The following NBEAL2 variants were observed in gnomAD, a reference collection of about 807,000 sequenced individuals.
NBEAL2 encodes neurobeachin-like protein 2.
Under a neutral mutation model 299.8 loss-of-function variants are expected in NBEAL2, and 160 were observed. The ratio of observed to expected loss-of-function variants is 0.53; its 90% CI spans 0.47 to 0.61. The LOEUF (loss-of-function observed/expected upper bound fraction) is 0.61, where lower values mean the gene tolerates loss of function less well. NBEAL2 is among the 20% of genes least tolerant of loss of function. NBEAL2 has a pLI of 0.00. For synonymous variants in NBEAL2, 1,493 were observed against 1,542.3 expected (o/e 0.97, Z 0.75); for missense variants, 3,112 against 3,649.0 (o/e 0.85, Z 3.79).
chr3:46,998,596 G>A (rs375183332), intron 22 of NBEAL2, 31 bp downstream of exon 22: 2 of 1,594,816 alleles, frequency 1.3e-6, no homozygotes, highest in African/African-American at 2.7e-5. Flanking sequence ...TGGGCCATGG[G>A]GGGCTGACAC....
At position 47,001,074 on chromosome 3, in the gene NBEAL2, G is replaced by A. The variant is rs1267441809; in HGVS notation, c.4379G>A (p.Gly1460Asp). The A allele has an allele frequency of 6.2e-7, 1 of 1,612,646 alleles. No individual in the cohort carries two copies. The highest frequency in any genetic ancestry group is 1.7e-5 in the Admixed American group (1 of 59,886). Residue 1460 changes from glycine to aspartate, a missense_variant, in exon 28 of 54, where the codon GGC becomes GAC. Gly to Asp is a moderately conservative substitution (Grantham distance 94). Coordinates refer to ENST00000450053, the MANE Select transcript of NBEAL2 (RefSeq NM_015175.3). This position sits in a 1 kb window ranked among gnomAD's most constrained non-coding sequence, Gnocchi z 6.1. ...TCGGTGACGTGGCGTGGCGTGGAAG[G>A]CAGCGATGAGGCTGCCTGGCGGGAG... is the stretch of plus-strand genomic sequence containing the variant. Reference protein sequence around the residue: ...LFSVTWRGVEGSDEAAWRERG... With the variant: ...LFSVTWRGVEDSDEAAWRERG...
Position 47,005,755 on chromosome 3 carries a change from C to T in NBEAL2, c.6709C>T (p.Leu2237Phe), listed in dbSNP as rs757292430. Residue 2237 changes from leucine to phenylalanine, a missense_variant, in exon 42 of 54, where the codon CTC (leucine) becomes TTC (phenylalanine). This residue lies in a region of NBEAL2 where 521 missense variants were observed against 729.6 expected (regional missense o/e 0.71). Coordinates refer to ENST00000450053, the MANE Select transcript of NBEAL2 (RefSeq NM_015175.3). ...TGTGCCAGGTTTTGACCTGGGCTGT[C>T]TCCAGCTGACCAACGAGAAGGTAGG... ...ENQNGFDLGC[L>F]QLTNEKVGDV... 1.9e-6 allele frequency: 3 copies of T among 1,613,302 alleles called. No individual in the cohort carries two copies. Among genetic ancestry groups the T allele is most frequent in the Non-Finnish European group, 2.5e-6 (3 of 1,179,870 alleles).
chr3:47,001,958 A>G lies in NBEAL2; in HGVS notation c.4821A>G (p.Leu1607=), dbSNP rs1486568096. The G allele has an allele frequency of 1.9e-6, 3 of 1,609,046 alleles. No individual in the cohort carries two copies. In the East Asian group the frequency reaches 6.7e-5, roughly 36 times the overall value. ...AQAYVRLHML[L]QTAVPARREE... ...CCTACGTGAGATTGCACATGCTGCT[A>G]CAGACTGCAGTGCCAGCCCGCCGCG... The change falls in exon 31 of 54, where the codon CTA becomes CTG. Residue 1607 remains leucine, a synonymous_variant. Transcript: ENST00000450053. The surrounding 1 kb of genome is among the most constrained non-coding windows in gnomAD (Gnocchi z 6.1).
chr3:47,009,516 G>C lies in NBEAL2; in HGVS notation c.*196G>C. On this transcript the variant is annotated 3_prime_UTR_variant, in exon 54 of 54. Coordinates refer to ENST00000450053, the MANE Select transcript of NBEAL2 (RefSeq NM_015175.3). ...GCGGAAGTCCCGCCCCTCGCCGGCTGAGGGGCCGCCCTGAGGGCCAGCACT... is the reference window on the plus strand; with the variant it reads ...GCGGAAGTCCCGCCCCTCGCCGGCTCAGGGGCCGCCCTGAGGGCCAGCACT... The C allele has an allele frequency of 1.6e-6, 1 of 611,324 alleles. No homozygotes were observed. The allele number at this position is 611,324 out of a possible 1,614,324, so 37.9% of individuals were successfully genotyped here.
rs1306982041 is a variant in NBEAL2, at chr3:47,009,401, C to A, written c.*81C>A. On this transcript the variant is annotated 3_prime_UTR_variant, in exon 54 of 54. Coordinates refer to ENST00000450053, the MANE Select transcript of NBEAL2 (RefSeq NM_015175.3). ...CCCGCCCAGAAGTCGGCGGGAACAC[C>A]CCGGGGTGGGCAGCCCAGGGGGGTG... 7.3e-7 allele frequency: 1 copy of A among 1,369,818 alleles called. No homozygotes were observed. The highest frequency in any genetic ancestry group is 2.2e-5 in the Admixed American group (1 of 45,650). The allele number at this position is 1,369,818 out of a possible 1,614,324, so 84.9% of individuals were successfully genotyped here.
At position 47,007,748 on chromosome 3, in the gene NBEAL2, G is replaced by A. The variant is rs73831468; in HGVS notation, c.7507+51G>A. On this transcript the variant is annotated intron_variant, in intron 48 of 53. Transcript: ENST00000450053. ...GAATGAGGCACACAGGTATGGGGCC[G>A]GGTTCTGAGGCTGGCCAGGGCGGAT... The A allele has an allele frequency of 3.1e-4, 494 of 1,608,394 alleles. 2 individuals are homozygous for A. In the African/African-American group the frequency reaches 5.7e-3, roughly 18 times the overall value.
rs746213780 is a variant in NBEAL2, at chr3:47,000,281, G to A, written c.4182G>A (p.Gly1394=). 9 of 1,612,680 alleles carry A rather than the reference G, an allele frequency of 5.6e-6. No individual in the cohort carries two copies. Among genetic ancestry groups the A allele is most frequent in the Non-Finnish European group, 7.6e-6 (9 of 1,179,762 alleles). The change falls in exon 27 of 54, where the codon GGG becomes GGA. Residue 1394 remains glycine (G), a synonymous_variant. Coordinates refer to ENST00000450053, the MANE Select transcript of NBEAL2 (RefSeq NM_015175.3). The surrounding 1 kb of genome is among the most constrained non-coding windows in gnomAD (Gnocchi z 4.5). ...CCGGCACTCCTTCGCCACTGGATGG[G>A]CCGCGGCCCTTTCCTGCTGCTCCTG... ...SQPGTPSPLD[G]PRPFPAAPGR...
At chr3:46,999,608 T>TC in intron 25 of NBEAL2, 22 bp from the exon 26 acceptor site, 1 of 1,599,598 alleles carries the variant, frequency 6.3e-7, no homozygotes, top group Non-Finnish European at 8.6e-7. Flanking sequence ...GTCCCTCAGG[T>TC]CCCCCCAACC....
intron 1 of NBEAL2, among the ~76,000 whole-genome samples, chr3:46,984,356 G>A (rs1169461113): frequency 2.0e-5 from 3 of 152,152 alleles, no homozygotes; most frequent in Admixed American, 2.0e-4. Flanking sequence ...GTCAGGCCCT[G>A]GGGCAGGGTG....
At chr3:46,984,613 C>T (rs1014893753) in intron 1 of NBEAL2, among the ~76,000 whole-genome samples, 5 of 152,198 alleles carry the variant, frequency 3.3e-5, no homozygotes, top group Admixed American at 3.3e-4. Context: ...AATGGGGGGA[C>T]CCCCTAGGCC....
At chr3:47,008,853 A>G (rs758339752) in intron 52 of NBEAL2, 136 bp from the exon 53 acceptor site, 44 of 1,457,524 alleles carry the variant, frequency 3.0e-5, no homozygotes, top group Non-Finnish European at 3.9e-5. Context: ...GTTGTGGGAG[A>G]TTTCTTTGTG....
At position 46,995,082 on chromosome 3, in the gene NBEAL2, G is replaced by A. The variant is rs1319846534; in HGVS notation, c.1347G>A (p.Glu449=). ...SMCPPPPIRN[E]QPVLVLAQWL... ...GCCCACCTCCACCAATCCGCAACGAGCAGCCGGTACTGGTGCTGGCGCAGT... is the reference window on the plus strand; with the variant it reads ...GCCCACCTCCACCAATCCGCAACGAACAGCCGGTACTGGTGCTGGCGCAGT... The change falls in exon 13 of 54, where the codon GAG becomes GAA. Residue 449 remains glutamate (E), a synonymous_variant. Coordinates refer to ENST00000450053, the MANE Select transcript of NBEAL2 (RefSeq NM_015175.3). 1.3e-6 allele frequency: 2 copies of A among 1,563,070 alleles called. No homozygotes were observed. The highest frequency in any genetic ancestry group is 1.8e-5 in the Admixed American group (1 of 54,340).
At chr3:46,983,838 G>C (rs1016177910) in intron 1 of NBEAL2, among the ~76,000 whole-genome samples, 1 of 152,062 alleles carries the variant, frequency 6.6e-6, no homozygotes, top group African/African-American at 2.4e-5. Flanking sequence ...TGGGGTCCCC[G>C]TAGAAACAGG....
chr3:47,002,207 C>G lies in NBEAL2; in HGVS notation c.5070C>G (p.Pro1690=). 1 of 1,532,568 alleles carries G rather than the reference C, an allele frequency of 6.5e-7. No homozygotes were observed. Among genetic ancestry groups the G allele is most frequent in the East Asian group, 2.4e-5 (1 of 42,094 alleles). The allele number at this position is 1,532,568 out of a possible 1,614,324, so 94.9% of individuals were successfully genotyped here. ...GLQWGLPSLP[P]TNGSPTFFED... is the part of the protein sequence containing the mutation. ...AGTGGGGACTGCCCTCCCTGCCACC[C>G]ACCAATGGCAGCCCCACCTTCTTTG... Residue 1690 remains proline (P), a synonymous_variant, in exon 31 of 54, where the codon CCC becomes CCG. Coordinates refer to ENST00000450053, the MANE Select transcript of NBEAL2 (RefSeq NM_015175.3).
chr3:46,999,070 C>T lies in NBEAL2; in HGVS notation c.3496C>T (p.Leu1166=). 1 of 1,592,020 alleles carries T rather than the reference C, an allele frequency of 6.3e-7. No individual in the cohort carries two copies. The highest frequency in any genetic ancestry group is 1.1e-5 in the South Asian group (1 of 87,426). The change falls in exon 24 of 54, where the codon CTA becomes TTA. Residue 1166 remains leucine (L), a synonymous_variant. Coordinates refer to ENST00000450053, the MANE Select transcript of NBEAL2 (RefSeq NM_015175.3). ...PGNLEVLLAL[L]VRPGSLPLLP... is the part of the protein sequence containing the mutation. The stretch of plus-strand genomic sequence containing the variant: ...GAACCTCGAAGTGCTACTGGCCCTG[C>T]TAGTGCGGCCAGGGTCACTGCCCCT...
Position 46,988,808 on chromosome 3 carries a change from GT to G in NBEAL2, c.141-33del. On this transcript the variant is annotated intron_variant, in intron 2 of 53. Coordinates refer to ENST00000450053, the MANE Select transcript of NBEAL2 (RefSeq NM_015175.3). This position sits in a 1 kb window ranked among gnomAD's most constrained non-coding sequence, Gnocchi z 4.4. ...AGGGACAGAGCAGGGAGATTGAGGG[GT>G]CCTCAGCACCCGTGTCTCCCCTTTC... 1 of 1,603,774 alleles carries G rather than the reference GT, an allele frequency of 6.2e-7. No individual in the cohort carries two copies. The highest frequency in any genetic ancestry group is 1.3e-5 in the African/African-American group (1 of 74,852).
At position 47,004,784 on chromosome 3, in the gene NBEAL2, A is replaced by T; in HGVS notation, c.6295-188A>T. On this transcript the variant is annotated intron_variant, in intron 38 of 53. Transcript: ENST00000450053. The surrounding 1 kb of genome is among the most constrained non-coding windows in gnomAD (Gnocchi z 5.0). ...CCTCACTCCCTTCCCCTCCCTGCCT[A>T]GCCTCTATTCCTCAAAAGGAATCCT... is the stretch of plus-strand genomic sequence containing the variant. The T allele has an allele frequency of 9.4e-7, 1 of 1,060,626 alleles. No individual in the cohort carries two copies. Among genetic ancestry groups the T allele is most frequent in the African/African-American group, 1.6e-5 (1 of 63,558 alleles). The allele number at this position is 1,060,626 out of a possible 1,614,324, so 65.7% of individuals were successfully genotyped here.
chr3:46,990,026 C>T (rs1462193990), intron 6 of NBEAL2, among the ~76,000 whole-genome samples: 1 of 152,164 alleles, frequency 6.6e-6, no homozygotes, highest in Non-Finnish European at 1.5e-5. Flanking sequence ...TGCCTGTTCA[C>T]AGGTGGTCCT....
In NBEAL2 at chr3:47,006,383, A is replaced by T. The variant is rs1559620720; in HGVS notation, c.7068A>T (p.Ala2356=). Residue 2356 remains alanine (A), a synonymous_variant, in exon 45 of 54, where the codon GCA becomes GCT. Coordinates refer to ENST00000450053, the MANE Select transcript of NBEAL2 (RefSeq NM_015175.3). ...LSAEEAAHRL[A]RLDTNSPSIF... is the part of the protein sequence containing the mutation. ...CTGAGGAAGCAGCCCATCGCCTTGC[A>T]CGCCTGGACACTAACTCACCTAGCA... 1 of 1,595,688 alleles carries T rather than the reference A, an allele frequency of 6.3e-7. No individual in the cohort carries two copies. Among genetic ancestry groups the T allele is most frequent in the East Asian group, 2.3e-5 (1 of 44,000 alleles).
Sources: gnomAD v4.1 joint callset for allele counts (sites outside exome capture counted in the v4.1 genomes callset) on GRCh38, gnomAD v4.1.1 for gene constraint, gnomAD v4.1.1 regional missense constraint, Gnocchi (gnomAD v3.1) non-coding constraint, MANE v1.5 for transcripts, NCBI Gene and HGNC (gene_info 2026-07-23, HGNC 2026-07-21) for gene names.